Variants in ANO10 observed in about 807,000 individuals in gnomAD.
ANO10 encodes anoctamin-10.
Under a neutral mutation model 74.7 loss-of-function variants are expected in ANO10, and 77 were observed. The ratio of observed to expected loss-of-function variants is 1.03; its 90% CI spans 0.86 to 1.25. The LOEUF (loss-of-function observed/expected upper bound fraction) is 1.25. Among genes scored for constraint, ANO10 ranks in the 50% most tolerant of loss-of-function variants. ANO10 has a pLI of 0.00. For synonymous variants in ANO10, 279 were observed against 284.9 expected (o/e 0.98, Z 0.21); for missense variants, 721 against 778.1 (o/e 0.93, Z 0.87).
At chr3:43,676,338 G>C (rs1051229332) in intron 1 of ANO10, among the ~76,000 whole-genome samples, 1 of 151,990 alleles carries the variant, frequency 6.6e-6, no homozygotes. Flanking sequence ...TGGTAAGCAT[G>C]TGGTCCCAGG....
At chr3:43,375,857 T>C (rs1848069) in intron 12 of ANO10, among the ~76,000 whole-genome samples, 9,148 of 152,270 alleles carry the variant, frequency 0.06, 778 homozygotes, top group African/African-American at 0.19. Flanking sequence ...CCATATAATA[T>C]TTTTTGTTTG....
At chr3:43,429,520 T>C (rs1456625353) in intron 12 of ANO10, among the ~76,000 whole-genome samples, 1 of 152,146 alleles carries the variant, frequency 6.6e-6, no homozygotes, top group Non-Finnish European at 1.5e-5. Context: ...ATCTACAAAA[T>C]GTCACCAGAA....
At chr3:43,622,858 T>G (rs774591062), upstream of ANO10, among the ~76,000 whole-genome samples, 4 of 152,054 alleles carry the variant, frequency 2.6e-5, no homozygotes, top group Non-Finnish European at 5.9e-5. Flanking sequence ...CCACCACACT[T>G]TTTGACTTTT....
At chr3:43,495,007 A>AT (rs2076863367) in intron 11 of ANO10, among the ~76,000 whole-genome samples, 1 of 152,116 alleles carries the variant, frequency 6.6e-6, no homozygotes, top group South Asian at 2.1e-4. Flanking sequence ...ATTTTGCCCT[A>AT]TCAAATACTA....
chr3:43,555,467 G>A lies in ANO10; in HGVS notation c.1479C>T (p.Gly493=). 3.7e-6 allele frequency: 6 copies of A among 1,613,884 alleles called. No homozygotes were observed. The highest frequency in any genetic ancestry group is 1.3e-5 in the African/African-American group (1 of 75,000). ...ILEKEMGTYL[G]TFDDYLELFL... is the part of the protein sequence containing the mutation. ...ATAACTCCAAGTAATCATCAAAGGT[G>A]CCCTGAAAATATAAACAAGCATGCA... is the stretch of plus-strand genomic sequence containing the variant. The change falls in exon 10 of 13, where the codon GGC becomes GGT. Residue 493 remains glycine (G), a splice_region_variant and synonymous_variant. Transcript: ENST00000292246.
intron 12 of ANO10, among the ~76,000 whole-genome samples, chr3:43,386,648 CGTGTGTGTGTGTGTGTGT>C (rs36065814): frequency 2.1e-5 from 3 of 139,996 alleles, no homozygotes; most frequent in African/African-American, 2.7e-5. Flanking sequence ...TAGGTGTGTA[CGTGTGTGTGTGTGTGTGT>C]GTGTGTGTGT....
intron 12 of ANO10, among the ~76,000 whole-genome samples, chr3:43,426,724 A>G (rs2092905342): frequency 6.6e-6 from 1 of 152,244 alleles, no homozygotes; most frequent in Non-Finnish European, 1.5e-5. Flanking sequence ...ATCAATTTGA[A>G]GAGAAATAAA....
At chr3:43,521,517 T>C (rs1008536582) in intron 11 of ANO10, among the ~76,000 whole-genome samples, 3 of 152,196 alleles carry the variant, frequency 2.0e-5, no homozygotes, top group Non-Finnish European at 4.4e-5. Context: ...AATGATATAG[T>C]TGAGATGCTC....
At chr3:43,443,684 T>C (rs912374233) in intron 11 of ANO10, among the ~76,000 whole-genome samples, 2 of 147,272 alleles carry the variant, frequency 1.4e-5, no homozygotes, top group Admixed American at 1.3e-4. Flanking sequence ...TCCTTCTTTT[T>C]TTTTTTTTTT....
At chr3:43,373,176 G>T (rs1388713274) in intron 12 of ANO10, among the ~76,000 whole-genome samples, 1 of 152,058 alleles carries the variant, frequency 6.6e-6, no homozygotes, top group African/African-American at 2.4e-5. Flanking sequence ...AGGGGTGGGT[G>T]GCAGAAATCA....
chr3:43,526,471 G>A (rs1164779931), intron 11 of ANO10, among the ~76,000 whole-genome samples: 1 of 152,200 alleles, frequency 6.6e-6, no homozygotes, highest in African/African-American at 2.4e-5. Context: ...ACTGCTAAAA[G>A]AGCACCAGAG....
At chr3:43,452,713 T>C (rs2074932685) in intron 11 of ANO10, among the ~76,000 whole-genome samples, 1 of 152,232 alleles carries the variant, frequency 6.6e-6, no homozygotes, top group African/African-American at 2.4e-5. Flanking sequence ...AACTGCTGGA[T>C]CGCATAGTAA....
In ANO10 at chr3:43,555,364, T is replaced by C. The variant is rs1486451713; in HGVS notation, c.1582A>G (p.Thr528Ala). Residue 528 changes from threonine to alanine, a missense_variant, in exon 10 of 13, where the codon ACT becomes GCT. By Grantham distance (58) the Thr-to-Ala change is moderately conservative. Transcript: ENST00000292246. ...TTTAAGGCATCTGAATTTACTTCAG[T>C]GAAGTTATTTAACACAGCAAAGGCA... Reference protein sequence around the residue: ...AAAFAVLNNFTEVNSDALKMC... With the variant: ...AAAFAVLNNFAEVNSDALKMC... 2.5e-6 allele frequency: 4 copies of C among 1,614,178 alleles called. No individual in the cohort carries two copies. Among genetic ancestry groups the C allele is most frequent in the Non-Finnish European group, 3.4e-6 (4 of 1,180,022 alleles).
At chr3:43,505,403 C>T (rs1317584414) in intron 11 of ANO10, among the ~76,000 whole-genome samples, 3 of 152,066 alleles carry the variant, frequency 2.0e-5, no homozygotes, top group African/African-American at 7.2e-5. Flanking sequence ...GGCTGGATTC[C>T]CCCAACACTA....
chr3:43,687,915 C>T lies in ANO10; in HGVS notation c.-12+3602G>A, dbSNP rs578143911. 1.3e-4 allele frequency among the ~76,000 whole-genome samples: 20 copies of T among 152,248 alleles called. No individual in the cohort carries two copies. In the East Asian group the frequency reaches 2.5e-3, roughly 19 times the overall value. ...ACACAGTCCAAGGGTTCCAGGGTGG[C>T]ACGGTGGTCAGGATAGAGTTGTAGG... On this transcript the variant is annotated intron_variant, in intron 1 of 3. Transcript: ENST00000413397.
intron 5 of ANO10, among the ~76,000 whole-genome samples, chr3:43,577,803 C>G (rs1342912247): frequency 6.6e-6 from 1 of 152,186 alleles, no homozygotes; most frequent in Non-Finnish European, 1.5e-5. Flanking sequence ...AAGCACAAAA[C>G]AGGATTCTAC....
intron 12 of ANO10, among the ~76,000 whole-genome samples, chr3:43,381,660 T>C (rs994046947): frequency 6.6e-6 from 1 of 152,198 alleles, no homozygotes; most frequent in Non-Finnish European, 1.5e-5. Context: ...AGACAGGTCA[T>C]TAAGACAGAA....
At chr3:43,459,709 G>A (rs1432606894) in intron 11 of ANO10, among the ~76,000 whole-genome samples, 1 of 152,190 alleles carries the variant, frequency 6.6e-6, no homozygotes, top group Non-Finnish European at 1.5e-5. Context: ...CCATTCAAGG[G>A]GGAAAGTGCT....
intron 12 of ANO10, among the ~76,000 whole-genome samples, chr3:43,379,033 T>A (rs979400818): frequency 7.9e-5 from 12 of 152,336 alleles, no homozygotes; most frequent in African/African-American, 2.9e-4. Flanking sequence ...TAACCAATAC[T>A]GATCACTAAA....
Sources: gnomAD v4.1 joint callset for allele counts (sites outside exome capture counted in the v4.1 genomes callset) on GRCh38, gnomAD v4.1.1 for gene constraint, MANE v1.5 for transcripts, NCBI Gene and HGNC (gene_info 2026-07-23, HGNC 2026-07-21) for gene names.